TPD52L1: variants seen among roughly 807,000 people sequenced by gnomAD.
TPD52L1 encodes the protein TPD52 like 1, also known as tumor protein D53.
A neutral mutation model predicts 28.7 loss-of-function variants in TPD52L1; 18 were observed. The observed-to-expected ratio is 0.63, with a 90% CI of 0.43 to 0.93. The LOEUF (loss-of-function observed/expected upper bound fraction) is 0.93, where lower values mean the gene tolerates loss of function less well. TPD52L1 is among the 40% of genes least tolerant of loss of function. TPD52L1 has a pLI of 0.00. For synonymous variants in TPD52L1, 75 were observed against 88.8 expected, an observed-to-expected ratio of 0.84 and a Z score of 0.88; for missense variants, 203 against 254.8, an observed-to-expected ratio of 0.80 and a Z score of 1.39.
chr6:125,232,052 G>C lies in TPD52L1; in HGVS notation c.284+2786G>C, dbSNP rs73771293. On this transcript the variant is annotated intron_variant, in intron 3 of 6. Transcript: ENST00000534000. Reference sequence around the variant, plus strand: ...TCCGTAAAGTCTGAAATGCCCAATAGATAAACAGATTTATAGGCTGAGAGG... The same window carrying C: ...TCCGTAAAGTCTGAAATGCCCAATACATAAACAGATTTATAGGCTGAGAGG... Among the ~76,000 whole-genome samples, 978 of 152,300 alleles carry C rather than the reference G, an allele frequency of 6.4e-3. 13 individuals are homozygous for C. Among genetic ancestry groups the C allele is most frequent in the African/African-American group, 0.022 (929 of 41,562 alleles).
Position 125,263,069 on chromosome 6 carries a change from C to T in TPD52L1, c.*107C>T. 7.4e-7 allele frequency: 1 copy of T among 1,358,962 alleles called. No individual in the cohort carries two copies. The highest frequency in any genetic ancestry group is 1.5e-5 in the South Asian group (1 of 64,976). The allele number at this position is 1,358,962 out of a possible 1,614,324, so 84.2% of individuals were successfully genotyped here. A position where few individuals can be genotyped will look rare whatever the true frequency, so the allele number is the denominator to read the frequency against. On this transcript the variant is annotated 3_prime_UTR_variant, in exon 7 of 7. Transcript: ENST00000534000. ...AAAATCCCGCTGGGAAAAACCCAGGCCTTGACATTGTTATTCAAATGGCCC... is the reference window on the plus strand; with the variant it reads ...AAAATCCCGCTGGGAAAAACCCAGGTCTTGACATTGTTATTCAAATGGCCC...
chr6:125,192,033 C>T (rs1019690155), intron 1 of TPD52L1, among the ~76,000 whole-genome samples: 1 of 152,196 alleles, frequency 6.6e-6, no homozygotes, highest in Non-Finnish European at 1.5e-5. Context: ...GCTTCTGTAG[C>T]ATGCCAGGGG....
intron 6 of TPD52L1, among the ~76,000 whole-genome samples, chr6:125,259,526 C>A (rs1022410497): frequency 6.6e-6 from 1 of 152,190 alleles, no homozygotes; most frequent in African/African-American, 2.4e-5. Flanking sequence ...CCTATTTCAT[C>A]CAAAACAAAC....
chr6:125,169,675 C>G (rs1282377806), intron 1 of TPD52L1, among the ~76,000 whole-genome samples: 1 of 152,078 alleles, frequency 6.6e-6, no homozygotes, highest in Non-Finnish European at 1.5e-5. Context: ...TTGGTCCCAG[C>G]CTTCCTTATC....
intron 1 of TPD52L1, among the ~76,000 whole-genome samples, chr6:125,207,049 A>G (rs1352011483): frequency 3.3e-5 from 5 of 152,220 alleles, no homozygotes; most frequent in Admixed American, 3.3e-4. Context: ...AGCATCAAGA[A>G]GACTTGATTG....
chr6:125,261,019 A>AG (rs1798005260), intron 6 of TPD52L1: 2 of 32,056 alleles, frequency 6.2e-5, no homozygotes, highest in African/African-American at 5.2e-4. Flanking sequence ...AGAAAGAAAG[A>AG]AAAGAAAAGA....
In TPD52L1 at chr6:125,258,071, C is replaced by T. The variant is rs527574866; in HGVS notation, c.486+913C>T. On this transcript the variant is annotated intron_variant, in intron 6 of 6. Coordinates refer to ENST00000534000, the MANE Select transcript of TPD52L1 (RefSeq NM_003287.4). ...TATCTTCACGCTGCTCTCACGTGTG[C>T]TGCCTGATAAGTATATGTGAGGTTG... is the stretch of plus-strand genomic sequence containing the variant. Among the ~76,000 whole-genome samples, 8 of 152,320 alleles carry T rather than the reference C, an allele frequency of 5.3e-5. 1 individual carries two copies. In the South Asian group the frequency reaches 1.7e-3, roughly 32 times the overall value.
intron 2 of TPD52L1, among the ~76,000 whole-genome samples, chr6:125,226,387 T>C (rs569553143): frequency 1.3e-5 from 2 of 152,182 alleles, no homozygotes; most frequent in Non-Finnish European, 2.9e-5. Flanking sequence ...AATTGGTCAC[T>C]TTAATGTTTC....
At chr6:125,159,053 C>T (rs1014576929) in intron 1 of TPD52L1, among the ~76,000 whole-genome samples, 1 of 152,138 alleles carries the variant, frequency 6.6e-6, no homozygotes, top group Non-Finnish European at 1.5e-5. Flanking sequence ...CTGACTGATC[C>T]GAATGGTGGT....
intron 1 of TPD52L1, among the ~76,000 whole-genome samples, chr6:125,155,769 CCT>C (rs981989211): frequency 1.3e-5 from 2 of 152,094 alleles, no homozygotes; most frequent in Non-Finnish European, 2.9e-5. Context: ...TTATTGTGTC[CCT>C]GTCTCTGTTC....
At chr6:125,233,280 C>T (rs890345522) in intron 3 of TPD52L1, among the ~76,000 whole-genome samples, 4 of 152,270 alleles carry the variant, frequency 2.6e-5, no homozygotes, top group South Asian at 2.1e-4. Flanking sequence ...ATTTTAAAAA[C>T]GCACAGTGCT....
At position 125,204,821 on chromosome 6, in the gene TPD52L1, G is replaced by A. The variant is rs1385320170; in HGVS notation, c.20-15257G>A. 2.0e-5 allele frequency among the ~76,000 whole-genome samples: 3 copies of A among 152,296 alleles called. No homozygotes were observed. The East Asian group carries it at 5.8e-4, about 29-fold the overall frequency. ...AGGCATTTGAATAGTACAAATGTAAGGGCATGATAGCTAATTAAATTATTC... is the reference window on the plus strand; with the variant it reads ...AGGCATTTGAATAGTACAAATGTAAAGGCATGATAGCTAATTAAATTATTC... On this transcript the variant is annotated intron_variant, in intron 1 of 6. Transcript: ENST00000534000.
intron 1 of TPD52L1, 188 bp downstream of exon 1, chr6:125,154,158 G>A (rs1348223493): frequency 3.6e-6 from 5 of 1,389,542 alleles, no homozygotes; most frequent in Middle Eastern, 1.9e-4. Flanking sequence ...GTGGGTCTGG[G>A]GATCAATAAA....
chr6:125,222,216 A>G (rs1328617655), intron 2 of TPD52L1, among the ~76,000 whole-genome samples: 1 of 152,262 alleles, frequency 6.6e-6, no homozygotes, highest in Non-Finnish European at 1.5e-5. Flanking sequence ...TAACAAGGAC[A>G]CATAGAAAGC....
intron 3 of TPD52L1, among the ~76,000 whole-genome samples, chr6:125,237,948 C>T (rs1036599329): frequency 6.6e-5 from 10 of 152,336 alleles, no homozygotes; most frequent in South Asian, 4.1e-4. Flanking sequence ...GCGTGAGCCA[C>T]GACGCCCAGG....
chr6:125,239,840 G>GA (rs1484491162), intron 3 of TPD52L1, among the ~76,000 whole-genome samples: 1 of 151,960 alleles, frequency 6.6e-6, no homozygotes, highest in Non-Finnish European at 1.5e-5. Context: ...GTTTAATTAG[G>GA]TCCCATATAT....
chr6:125,258,328 C>T (rs918386785), intron 6 of TPD52L1, among the ~76,000 whole-genome samples: 2 of 152,132 alleles, frequency 1.3e-5, no homozygotes, highest in Admixed American at 1.3e-4. Flanking sequence ...AACATCATCG[C>T]TTATTGAGCG....
chr6:125,238,406 A>G (rs1796407357), intron 3 of TPD52L1, among the ~76,000 whole-genome samples: 1 of 152,126 alleles, frequency 6.6e-6, no homozygotes, highest in African/African-American at 2.4e-5. Context: ...TTTTGGTTAC[A>G]TGGATAAGTT....
chr6:125,182,846 G>A (rs1191478025), intron 1 of TPD52L1, among the ~76,000 whole-genome samples: 1 of 152,164 alleles, frequency 6.6e-6, no homozygotes, highest in African/African-American at 2.4e-5. Flanking sequence ...CAGCTTGTGT[G>A]CCAAGTATTT....
Sources: allele counts gnomAD v4.1 joint callset (sites outside exome capture counted in the v4.1 genomes callset), GRCh38; gene constraint gnomAD v4.1.1; transcripts MANE v1.5; gene names NCBI Gene and HGNC (gene_info 2026-07-23, HGNC 2026-07-21).